The following PAK1 variants were observed in gnomAD, a reference collection of about 807,000 sequenced individuals.
PAK1 encodes p21 (RAC1) activated kinase 1.
Under a neutral mutation model 67.4 loss-of-function variants are expected in PAK1, and 29 were observed. The ratio of observed to expected loss-of-function variants is 0.43; its 90% CI spans 0.32 to 0.59. PAK1 has a LOEUF of 0.59. Among genes scored for constraint, PAK1 ranks in the 20% least tolerant of loss-of-function variants. The pLI is 0.07. For missense variants in PAK1, 337 were observed against 670.7 expected, an observed-to-expected ratio of 0.50 and a Z score of 5.50; for synonymous variants, 223 against 237.4, an observed-to-expected ratio of 0.94 and a Z score of 0.56.
chr11:77,330,674 T>C (rs1941280315), intron 14 of PAK1, among the ~76,000 whole-genome samples: 1 of 152,266 alleles, frequency 6.6e-6, no homozygotes, highest in African/African-American at 2.4e-5. Context: ...CCTAAAATGA[T>C]AAAAACCCTA....
chr11:77,490,419 C>T, the PAK1 span, among the ~76,000 whole-genome samples: 8 of 144,964 alleles, frequency 5.5e-5, no homozygotes, highest in Non-Finnish European at 1.1e-4. Flanking sequence ...AGTGAGGAGC[C>T]CCTCTGCCCG....
intron 1 of PAK1, among the ~76,000 whole-genome samples, chr11:77,424,768 AC>A (rs780159512): frequency 6.6e-6 from 1 of 152,108 alleles, no homozygotes. Flanking sequence ...TGCAGTCCTT[AC>A]CCAACGGCTT....
At chr11:77,325,359 A>G (rs1302578881) in intron 14 of PAK1, 2 of 1,613,772 alleles carry the variant, frequency 1.2e-6, no homozygotes, top group South Asian at 2.2e-5. Context: ...TAAACACTTG[A>G]AACCTCAGTT....
At chr11:77,378,671 T>C (rs1949413475) in intron 4 of PAK1, among the ~76,000 whole-genome samples, 1 of 152,084 alleles carries the variant, frequency 6.6e-6, no homozygotes, top group African/African-American at 2.4e-5. Context: ...TCACTGCAAC[T>C]CCACCTCCCA....
Position 77,367,555 on chromosome 11 carries a change from T to G in PAK1, c.477+6773A>C, listed in dbSNP as rs181392776. Among the ~76,000 whole-genome samples, 253 of 152,098 alleles carry G rather than the reference T, an allele frequency of 1.7e-3. 3 individuals are homozygous for G. Among genetic ancestry groups the G allele is most frequent in the African/African-American group, 5.9e-3 (245 of 41,500 alleles). ...TAAAAAAGTGATTGAAAATTAAACA[T>G]GAGAATAGAAATGAAAAATTAAATT... On this transcript the variant is annotated intron_variant, in intron 5 of 14. Transcript: ENST00000356341.
intron 1 of PAK1, among the ~76,000 whole-genome samples, chr11:77,412,977 G>A (rs969751200): frequency 6.6e-6 from 1 of 152,174 alleles, no homozygotes; most frequent in African/African-American, 2.4e-5. Flanking sequence ...AGTGCCTCTA[G>A]TAGTGCCTCC....
chr11:77,476,279 C>G (rs1958060869), upstream of PAK1: 1 of 152,230 alleles, frequency 6.6e-6, no homozygotes, highest in South Asian at 2.1e-4. Context: ...ACGGTAGATA[C>G]TGTTGTTATC....
chr11:77,454,965 A>G (rs1447003649), intron 1 of PAK1, among the ~76,000 whole-genome samples: 1 of 152,184 alleles, frequency 6.6e-6, no homozygotes, highest in Non-Finnish European at 1.5e-5. Context: ...TTTCTGAAAT[A>G]AAATCAGTCA....
chr11:77,438,903 C>T (rs1432193693), intron 1 of PAK1, among the ~76,000 whole-genome samples: 1 of 152,218 alleles, frequency 6.6e-6, no homozygotes, highest in East Asian at 1.9e-4. Flanking sequence ...ATAAAAACCA[C>T]TCACCCACAA....
Position 77,365,940 on chromosome 11 carries a change from C to CA in PAK1, c.478-6924dup, listed in dbSNP as rs1947519314. On this transcript the variant is annotated intron_variant, in intron 5 of 14. Coordinates refer to ENST00000356341, the MANE Select transcript of PAK1 (RefSeq NM_002576.5). ...TAAAGCAACCAGAGAAAACTGACAT[C>CA]ATGTACAAGGCCAGTCAGTATAATT... 3.3e-5 allele frequency among the ~76,000 whole-genome samples: 5 copies of CA among 151,796 alleles called. No homozygotes were observed. In the South Asian group the frequency reaches 1.0e-3, roughly 32 times the overall value.
At chr11:77,363,265 C>T (rs1314053396) in intron 5 of PAK1, among the ~76,000 whole-genome samples, 1 of 152,130 alleles carries the variant, frequency 6.6e-6, no homozygotes, top group Non-Finnish European at 1.5e-5. Flanking sequence ...AAAATGGCCA[C>T]TGAAATGTGA....
intron 1 of PAK1, chr11:77,455,739 C>G (rs1957052724): frequency 6.6e-6 from 1 of 152,200 alleles, no homozygotes. Flanking sequence ...ATCATATTCC[C>G]ATGACACCTG....
intron 5 of PAK1, among the ~76,000 whole-genome samples, chr11:77,373,204 A>G (rs561122951): frequency 1.3e-5 from 2 of 152,204 alleles, no homozygotes. Context: ...TCAATATGGC[A>G]TAACCACCTA....
At chr11:77,482,208 C>T in the PAK1 span, among the ~76,000 whole-genome samples, 5 of 151,872 alleles carry the variant, frequency 3.3e-5, no homozygotes, top group East Asian at 5.8e-4. Context: ...AGGCTGGTCT[C>T]GAACTCCTGA....
At chr11:77,336,501 C>T (rs1942717179) in intron 12 of PAK1, among the ~76,000 whole-genome samples, 1 of 152,130 alleles carries the variant, frequency 6.6e-6, no homozygotes, top group South Asian at 2.1e-4. Flanking sequence ...TAAGAAACAC[C>T]ATCTCTGGCC....
In PAK1 at chr11:77,330,296, T is replaced by C. The variant is rs534456253; in HGVS notation, c.1551+2434A>G. On this transcript the variant is annotated intron_variant, in intron 14 of 14. Transcript: ENST00000356341. ...TTGGAAAAAACTACTTTAAAGTTCATATGGAACCAAAAAAGAGCCCGCATC... is the reference window on the plus strand; with the variant it reads ...TTGGAAAAAACTACTTTAAAGTTCACATGGAACCAAAAAAGAGCCCGCATC... 2.1e-3 allele frequency among the ~76,000 whole-genome samples: 314 copies of C among 152,196 alleles called. 1 individual carries two copies. The highest frequency in any genetic ancestry group is 7.0e-3 in the African/African-American group (292 of 41,480).
intron 1 of PAK1, among the ~76,000 whole-genome samples, chr11:77,431,205 C>T (rs1209258783): frequency 1.3e-5 from 2 of 152,120 alleles, no homozygotes; most frequent in African/African-American, 4.8e-5. Flanking sequence ...GTATTTACTA[C>T]ATTATCTGCA....
chr11:77,520,861 AG>A, the PAK1 span, among the ~76,000 whole-genome samples: 2 of 152,224 alleles, frequency 1.3e-5, no homozygotes, highest in South Asian at 4.1e-4. Context: ...AGAGAAAGTG[AG>A]GTGTCGCTCT....
chr11:77,394,151 A>G (rs1051250563), intron 1 of PAK1, among the ~76,000 whole-genome samples: 6 of 152,236 alleles, frequency 3.9e-5, no homozygotes, highest in Non-Finnish European at 8.8e-5. Context: ...TCCATGCTGC[A>G]GTAGAAATTA....
Sources: gnomAD v4.1 joint callset for allele counts (sites outside exome capture counted in the v4.1 genomes callset) on GRCh38, gnomAD v4.1.1 for gene constraint, MANE v1.5 for transcripts, NCBI Gene and HGNC (gene_info 2026-07-23, HGNC 2026-07-21) for gene names.